ROBO2: variants seen among roughly 807,000 people sequenced by gnomAD.
ROBO2 encodes roundabout guidance receptor 2, also known as roundabout homolog 2.
ROBO2 carries 53 observed loss-of-function variants against 160.8 expected under a neutral mutation model. That is an observed-to-expected ratio of 0.33 (90% CI 0.26 to 0.41). The LOEUF is 0.41. Ranked by LOEUF, ROBO2 falls within the 10% of genes least tolerant of loss-of-function variation. The pLI, the probability that ROBO2 is intolerant of heterozygous loss-of-function variation, is 1.00. For missense variants in ROBO2, 1,577 were observed against 1,722.4 expected (o/e 0.92, Z 1.49); for synonymous variants, 664 against 611.7 (o/e 1.09, Z -1.26).
At chr3:76,740,687 A>G (rs1200454279) in intron 2 of ROBO2, among the ~76,000 whole-genome samples, 1 of 152,130 alleles carries the variant, frequency 6.6e-6, no homozygotes, top group Non-Finnish European at 1.5e-5. Flanking sequence ...AAAATCTTTG[A>G]GAACTAAATT....
intron 2 of ROBO2, among the ~76,000 whole-genome samples, chr3:76,534,370 G>A (rs2082383407): frequency 6.6e-6 from 1 of 152,060 alleles, no homozygotes; most frequent in Admixed American, 6.6e-5. Context: ...TTAGGCCAGG[G>A]AAGGAATAAT....
chr3:77,313,163 T>G (rs1001998214), intron 2 of ROBO2, among the ~76,000 whole-genome samples: 1 of 152,202 alleles, frequency 6.6e-6, no homozygotes, highest in Non-Finnish European at 1.5e-5. Flanking sequence ...CAATTTCTAT[T>G]TTATCACTCA....
rs868754676 is a variant in ROBO2, at chr3:77,252,835, T to A, written c.388+154495T>A. On this transcript the variant is annotated intron_variant, in intron 2 of 25. Transcript: ENST00000461745. Reference sequence around the variant, plus strand: ...AAAAAAAAAAAAAAAAAAAAAAATATATATATATATATATATGAAAAATAA... The same window carrying A: ...AAAAAAAAAAAAAAAAAAAAAAATAAATATATATATATATATGAAAAATAA... 5.7e-3 allele frequency among the ~76,000 whole-genome samples: 507 copies of A among 89,688 alleles called. 4 individuals are homozygous for A. The highest frequency in any genetic ancestry group is 0.021 in the African/African-American group (441 of 21,124). 58.8% of individuals were successfully genotyped at this position (89,688 alleles called of 152,430 possible).
At chr3:77,314,034 C>CT (rs1224410413) in intron 2 of ROBO2, among the ~76,000 whole-genome samples, 2 of 152,156 alleles carry the variant, frequency 1.3e-5, no homozygotes, top group Non-Finnish European at 2.9e-5. Context: ...AATGTTGACA[C>CT]TCTGGTGATA....
intron 2 of ROBO2, among the ~76,000 whole-genome samples, chr3:77,270,423 T>A (rs2153353237): frequency 6.6e-6 from 1 of 152,252 alleles, no homozygotes; most frequent in African/African-American, 2.4e-5. Flanking sequence ...TTACATTGAG[T>A]TATCACTGAA....
chr3:77,226,956 G>T (rs1477734503), intron 2 of ROBO2, among the ~76,000 whole-genome samples: 1 of 152,126 alleles, frequency 6.6e-6, no homozygotes, highest in Non-Finnish European at 1.5e-5. Context: ...AGTGGTTGCT[G>T]ACCAACTTCA....
At chr3:77,363,041 G>A (rs542725210) in intron 2 of ROBO2, among the ~76,000 whole-genome samples, 8 of 152,128 alleles carry the variant, frequency 5.3e-5, no homozygotes, top group African/African-American at 1.4e-4. Flanking sequence ...TATCAAACAG[G>A]TAGAGGAAAG....
intron 2 of ROBO2, among the ~76,000 whole-genome samples, chr3:76,664,614 T>G (rs969284208): frequency 1.4e-4 from 21 of 152,148 alleles, no homozygotes; most frequent in Admixed American, 4.6e-4. Flanking sequence ...TCACTCAGGT[T>G]AAGAATTTTA....
At chr3:77,437,489 T>C (rs2079415176) in intron 2 of ROBO2, among the ~76,000 whole-genome samples, 1 of 151,940 alleles carries the variant, frequency 6.6e-6, no homozygotes, top group South Asian at 2.1e-4. Context: ...TAATACATAG[T>C]ATTAATTAAC....
chr3:76,256,333 C>CA (rs1449925774), intron 2 of ROBO2, among the ~76,000 whole-genome samples: 19 of 96,482 alleles, frequency 2.0e-4, no homozygotes, highest in Admixed American at 5.1e-4. Context: ...CTCTCTCTCT[C>CA]TCTCTCTCTC....
At chr3:76,349,300 A>C (rs1226634691) in intron 2 of ROBO2, among the ~76,000 whole-genome samples, 1 of 152,152 alleles carries the variant, frequency 6.6e-6, no homozygotes, top group Non-Finnish European at 1.5e-5. Flanking sequence ...ATATACTCCT[A>C]TCTCCCAATT....
At chr3:77,528,003 T>C (rs1189789372) in intron 6 of ROBO2, among the ~76,000 whole-genome samples, 1 of 151,604 alleles carries the variant, frequency 6.6e-6, no homozygotes, top group Non-Finnish European at 1.5e-5. Context: ...TGAGTGTTTG[T>C]GGTTTTAATA....
chr3:77,446,128 T>G (rs2080481938), intron 2 of ROBO2, among the ~76,000 whole-genome samples: 2 of 152,076 alleles, frequency 1.3e-5, no homozygotes, highest in African/African-American at 4.8e-5. Flanking sequence ...AAATTTGTAT[T>G]GATTTTTCTC....
chr3:77,403,385 C>T (rs2075981162), intron 2 of ROBO2, among the ~76,000 whole-genome samples: 1 of 152,174 alleles, frequency 6.6e-6, no homozygotes, highest in Admixed American at 6.6e-5. Flanking sequence ...ACCCCAGCTT[C>T]TGTTAACCAC....
At chr3:75,940,797 A>G (rs1948019751) in intron 2 of ROBO2, among the ~76,000 whole-genome samples, 1 of 152,142 alleles carries the variant, frequency 6.6e-6, no homozygotes, top group Non-Finnish European at 1.5e-5. Flanking sequence ...TATAATAAGC[A>G]TGGGTGTAAT....
intron 2 of ROBO2, among the ~76,000 whole-genome samples, chr3:77,102,379 G>C (rs1473466627): frequency 6.6e-6 from 1 of 152,050 alleles, no homozygotes; most frequent in Non-Finnish European, 1.5e-5. Flanking sequence ...GGTGCCAATG[G>C]GATTCTCCCT....
intron 2 of ROBO2, among the ~76,000 whole-genome samples, chr3:76,616,503 T>C (rs1465212668): frequency 6.6e-6 from 1 of 152,198 alleles, no homozygotes; most frequent in Non-Finnish European, 1.5e-5. Context: ...GCATTTTTTT[T>C]CTGAGATTTC....
At chr3:76,872,022 G>A (rs972201511) in intron 2 of ROBO2, among the ~76,000 whole-genome samples, 5 of 151,828 alleles carry the variant, frequency 3.3e-5, no homozygotes, top group African/African-American at 1.2e-4. Flanking sequence ...TATAACACCT[G>A]GAGATTTGTC....
intron 2 of ROBO2, among the ~76,000 whole-genome samples, chr3:76,293,588 G>C (rs1026083002): frequency 2.3e-4 from 35 of 152,272 alleles, no homozygotes; most frequent in African/African-American, 8.2e-4. Context: ...GGAGTAGAAG[G>C]GTAAGACTGA....
Sources: gnomAD v4.1 joint callset for allele counts (sites outside exome capture counted in the v4.1 genomes callset) on GRCh38, gnomAD v4.1.1 for gene constraint, MANE v1.5 for transcripts, NCBI Gene and HGNC (gene_info 2026-07-23, HGNC 2026-07-21) for gene names.